PCLO: variants seen among roughly 807,000 people sequenced by gnomAD.
PCLO encodes the protein piccolo presynaptic cytomatrix protein, also known as protein piccolo.
PCLO carries 82 observed loss-of-function variants against 427.5 expected under a neutral mutation model. The observed-to-expected ratio is 0.19, with a 90% CI of 0.16 to 0.23. PCLO has a LOEUF of 0.23. PCLO is among the 10% of genes least tolerant of loss of function. The pLI, the probability that PCLO is intolerant of heterozygous loss-of-function variation, is 1.00. For missense variants in PCLO, 6,239 were observed against 6,115.9 expected (o/e 1.02, Z -0.67); for synonymous variants, 2,357 against 2,155.4 (o/e 1.09, Z -2.59).
chr7:82,947,671 A>G (rs961614054), intron 6 of PCLO, among the ~76,000 whole-genome samples: 1 of 152,170 alleles, frequency 6.6e-6, no homozygotes, highest in Non-Finnish European at 1.5e-5. Flanking sequence ...CAACTGGAAA[A>G]AAGAACCAAT....
chr7:82,866,743 C>T (rs1321293171), intron 10 of PCLO, among the ~76,000 whole-genome samples: 1 of 151,626 alleles, frequency 6.6e-6, no homozygotes, highest in Non-Finnish European at 1.5e-5. Flanking sequence ...AACCTGCATT[C>T]TTGTAGGCTA....
At chr7:82,849,262 T>G (rs1792586310) in intron 10 of PCLO, among the ~76,000 whole-genome samples, 1 of 152,106 alleles carries the variant, frequency 6.6e-6, no homozygotes, top group South Asian at 2.1e-4. Flanking sequence ...TCTAAAGAAC[T>G]AGTATGGTTA....
rs193231889 is a variant in PCLO at position 82,943,516 on chromosome 7, G to C, written c.11112+5960C>G. ...TTATACTTTAAGATACATAAATCTT[G>C]AAATAAATTAGGTACCTACTAGCTC... On this transcript the variant is annotated intron_variant, in intron 6 of 24. Transcript: ENST00000333891. Among the ~76,000 whole-genome samples, 3 of 151,600 alleles carry C rather than the reference G, an allele frequency of 2.0e-5. No homozygotes were observed. In the East Asian group the frequency reaches 5.8e-4, roughly 29 times the overall value.
At chr7:82,806,432 A>C (rs1212055841) in intron 20 of PCLO, among the ~76,000 whole-genome samples, 1 of 152,150 alleles carries the variant, frequency 6.6e-6, no homozygotes, top group African/African-American at 2.4e-5. Context: ...TATCATTGAG[A>C]CTTGTCTCAA....
rs1795418717 is a variant in PCLO, at chr7:82,953,561, G to T, written c.7392C>A (p.Thr2464=). The stretch of plus-strand genomic sequence containing the variant: ...ATCCATTACTTCTCAGAACAGCTGT[G>T]GTCTCTAGAGTAGTAACAGCATCAA... ...PLFDAVTTLE[T]TAVLRSNGLP... Residue 2464 remains threonine (T), a synonymous_variant, in exon 5 of 25, where the codon ACC becomes ACA. Transcript: ENST00000333891. The T allele has an allele frequency of 6.2e-7, 1 of 1,612,618 alleles. No individual in the cohort carries two copies. Among genetic ancestry groups the T allele is most frequent in the Non-Finnish European group, 8.5e-7 (1 of 1,179,082 alleles).
chr7:82,916,290 G>A lies in PCLO; in HGVS notation c.11696C>T (p.Ala3899Val). 1 of 1,613,688 alleles carries A rather than the reference G, an allele frequency of 6.2e-7. No homozygotes were observed. Among genetic ancestry groups the A allele is most frequent in the Non-Finnish European group, 8.5e-7 (1 of 1,179,722 alleles). Residue 3899 changes from alanine (A) to valine (V), a missense_variant, in exon 7 of 25, where the codon GCA becomes GTA. By Grantham distance (64) the Ala-to-Val change is moderately conservative. Transcript: ENST00000333891. ...QYSSPALPTQ[A>V]PTSYTQQSHF... ...AGACTGTTGAGTGTATGAGGTGGGT[G>A]CTTGGGTAGGAAGAGCAGGGGAAGA...
At chr7:82,818,429 G>C (rs1791720863) in intron 20 of PCLO, among the ~76,000 whole-genome samples, 1 of 152,116 alleles carries the variant, frequency 6.6e-6, no homozygotes, top group Non-Finnish European at 1.5e-5. Context: ...GCCTCACTGG[G>C]CTTGCACAGT....
intron 10 of PCLO, among the ~76,000 whole-genome samples, chr7:82,867,021 T>A (rs1793111525): frequency 6.6e-6 from 1 of 152,190 alleles, no homozygotes. Context: ...ATTCTGCATT[T>A]CTTTATTTCT....
At chr7:83,050,220 A>AG (rs1408250809) in intron 3 of PCLO, among the ~76,000 whole-genome samples, 1 of 118,548 alleles carries the variant, frequency 8.4e-6, no homozygotes, top group Non-Finnish European at 1.7e-5. Flanking sequence ...AAAAAAAAAA[A>AG]AAAAAAAAAA....
chr7:82,914,917 T>A lies in PCLO; in HGVS notation c.13069A>T (p.Asn4357Tyr). The A allele has an allele frequency of 6.2e-7, 1 of 1,613,740 alleles. No homozygotes were observed. The highest frequency in any genetic ancestry group is 8.5e-7 in the Non-Finnish European group (1 of 1,179,760). Residue 4357 changes from asparagine (N) to tyrosine (Y), a missense_variant, in exon 7 of 25, where the codon AAT (asparagine) becomes TAT (tyrosine). Asn to Tyr is a moderately radical substitution (Grantham distance 143, BLOSUM62 -2). Transcript: ENST00000333891. Reference protein sequence around the residue: ...SRGRIPIVAQNSEEESPLSPV... With the variant: ...SRGRIPIVAQYSEEESPLSPV... ...CTGAGTGGGCTTTCTTCTTCAGAAT[T>A]CTGGGCCACAATTGGTATTCTTCCT...
chr7:82,879,231 G>C (rs1238426765), intron 10 of PCLO, 106 bp downstream of exon 10: 2 of 894,334 alleles, frequency 2.2e-6, no homozygotes, highest in Non-Finnish European at 3.2e-6. Context: ...CATAAGGAGA[G>C]AGGTTTACCT....
chr7:82,860,934 A>G (rs1458699852), intron 10 of PCLO, among the ~76,000 whole-genome samples: 2 of 152,040 alleles, frequency 1.3e-5, no homozygotes, highest in Non-Finnish European at 2.9e-5. Context: ...GCAAGCCTCA[A>G]GGTAACCTCA....
rs749800241 is a variant in PCLO, at chr7:83,134,297, G to T, written c.3253C>A (p.Gln1085Lys). 1.9e-6 allele frequency: 3 copies of T among 1,582,876 alleles called. No homozygotes were observed. The highest frequency in any genetic ancestry group is 1.8e-5 in the Admixed American group (1 of 54,278). Residue 1085 changes from glutamine to lysine, a missense_variant, in exon 3 of 25, where the codon CAA becomes AAA. This residue lies in a region of PCLO where 4,677 missense variants were observed against 4,468.4 expected (regional missense o/e 1.05). Transcript: ENST00000333891. The stretch of plus-strand genomic sequence containing the variant: ...TTAAATCCACAGAGATTACACACTT[G>T]ATTCTTGCATTCAGTGCAAGTATTG... ...NFNTCTECKN[Q>K]VCNLCGFNPT...
chr7:82,860,463 T>C (rs1419156390), intron 10 of PCLO, among the ~76,000 whole-genome samples: 2 of 151,850 alleles, frequency 1.3e-5, no homozygotes, highest in Admixed American at 1.3e-4. Context: ...CTGGTAAAAA[T>C]ACCCTTCAAA....
intron 10 of PCLO, among the ~76,000 whole-genome samples, chr7:82,864,303 T>C (rs1411173003): frequency 6.6e-6 from 1 of 152,126 alleles, no homozygotes; most frequent in Non-Finnish European, 1.5e-5. Flanking sequence ...CAATTAGTTA[T>C]AATTTCTGAC....
intron 20 of PCLO, among the ~76,000 whole-genome samples, chr7:82,813,320 T>C (rs1397393930): frequency 1.3e-5 from 2 of 151,742 alleles, no homozygotes; most frequent in Middle Eastern, 3.2e-3. Flanking sequence ...AATCATTTCA[T>C]CAATCTTTCT....
intron 3 of PCLO, among the ~76,000 whole-genome samples, chr7:82,988,180 A>G (rs950908083): frequency 1.3e-5 from 2 of 151,984 alleles, no homozygotes; most frequent in African/African-American, 4.8e-5. Context: ...ATGACCAGCT[A>G]ATTTTTCTTT....
At chr7:83,112,220 G>T (rs1020747128) in intron 3 of PCLO, among the ~76,000 whole-genome samples, 2 of 152,008 alleles carry the variant, frequency 1.3e-5, no homozygotes, top group East Asian at 3.9e-4. Context: ...ACCACACCTG[G>T]CTAATTTTTG....
At chr7:82,834,791 A>G (rs556612429) in intron 16 of PCLO, among the ~76,000 whole-genome samples, 33 of 152,296 alleles carry the variant, frequency 2.2e-4, no homozygotes, top group Middle Eastern at 6.8e-3. Context: ...ACTATTGGGA[A>G]CAAAGGAAGA....
Sources: gnomAD v4.1 joint callset for allele counts (sites outside exome capture counted in the v4.1 genomes callset) on GRCh38, gnomAD v4.1.1 for gene constraint, gnomAD v4.1.1 regional missense constraint, MANE v1.5 for transcripts, NCBI Gene and HGNC (gene_info 2026-07-23, HGNC 2026-07-21) for gene names.